The following HTRA3 variants were observed in gnomAD, a reference collection of about 807,000 sequenced individuals.
HTRA3 encodes HtrA serine peptidase 3.
In HTRA3, 41 loss-of-function variants were observed where a neutral mutation model predicts 43.2. That is an observed-to-expected ratio of 0.95 (90% CI 0.74 to 1.23). HTRA3 has a LOEUF of 1.23. HTRA3 is among the 50% of genes most tolerant of loss of function. The pLI is 0.00. For missense variants in HTRA3, 628 were observed against 647.1 expected (o/e 0.97, Z 0.32); for synonymous variants, 295 against 287.9 (o/e 1.02, Z -0.25).
rs1169583326 is a variant in HTRA3, at chr4:8,270,373, G to A, written c.385+20G>A. On this transcript the variant is annotated intron_variant, in intron 1 of 8. Transcript: ENST00000307358. ...CGTTGGGTAAGCGCTCGGGGGCCAG[G>A]GAGGAAGTGAAGCTTCTTTCTCTTG... 2 of 1,384,320 alleles carry A rather than the reference G, an allele frequency of 1.4e-6. No homozygotes were observed. Among genetic ancestry groups the A allele is most frequent in the South Asian group, 1.6e-5 (1 of 63,882 alleles). The allele number at this position is 1,384,320 out of a possible 1,614,324, so 85.8% of individuals were successfully genotyped here.
chr4:8,286,519 T>G lies in HTRA3; in HGVS notation c.486-42T>G. ...CACTGCGCCTGACTCCCCCGCGTCC[T>G]AGCCCCACCCTAAATGCCCGCCTGT... On this transcript the variant is annotated intron_variant, in intron 2 of 8. Coordinates refer to ENST00000307358, the MANE Select transcript of HTRA3 (RefSeq NM_053044.5). This position sits in a 1 kb window ranked among gnomAD's most constrained non-coding sequence, Gnocchi z 4.9. 1 of 1,575,804 alleles carries G rather than the reference T, an allele frequency of 6.3e-7. No homozygotes were observed. Among genetic ancestry groups the G allele is most frequent in the South Asian group, 1.1e-5 (1 of 89,894 alleles).
At position 8,295,647 on chromosome 4, in the gene HTRA3, C is replaced by G; in HGVS notation, c.1051+1446C>G. ...CCCACCTCCTGGCCAACGCCCAGGC[C>G]TGACTCAGCAACTCACACTTCCACA... On this transcript the variant is annotated intron_variant, in intron 6 of 8. Transcript: ENST00000307358. This position sits in a 1 kb window ranked among gnomAD's most constrained non-coding sequence, Gnocchi z 6.9. The G allele has an allele frequency of 7.3e-7, 1 of 1,368,012 alleles. No individual in the cohort carries two copies. Among genetic ancestry groups the G allele is most frequent in the Non-Finnish European group, 9.5e-7 (1 of 1,054,990 alleles). 84.7% of individuals were successfully genotyped at this position (1,368,012 alleles called of 1,614,324 possible). A position where few individuals can be genotyped will look rare whatever the true frequency, so the allele number is the denominator to read the frequency against.
intron 2 of HTRA3, among the ~76,000 whole-genome samples, chr4:8,285,389 C>T (rs958598757): frequency 8.5e-5 from 13 of 152,200 alleles, no homozygotes; most frequent in African/African-American, 1.4e-4. Flanking sequence ...TGGGTCACAG[C>T]GAAGCTCCTG....
intron 8 of HTRA3, among the ~76,000 whole-genome samples, chr4:8,304,807 C>G (rs1157322161): frequency 1.3e-5 from 2 of 151,984 alleles, no homozygotes; most frequent in East Asian, 3.8e-4. Context: ...AAGTGCCCAC[C>G]ACCATGCCCT....
chr4:8,272,845 G>C (rs1712347443), intron 1 of HTRA3, among the ~76,000 whole-genome samples: 2 of 152,240 alleles, frequency 1.3e-5, no homozygotes. Flanking sequence ...GGGAGGCAGA[G>C]AGTGCAGGTG....
intron 6 of HTRA3, among the ~76,000 whole-genome samples, chr4:8,302,208 G>A (rs910097995): frequency 1.3e-5 from 2 of 152,164 alleles, no homozygotes; most frequent in Non-Finnish European, 2.9e-5. Context: ...TCACATGGTT[G>A]GATGCAGGAT....
chr4:8,292,254 G>A (rs774323563), intron 4 of HTRA3, 67 bp from the exon 5 acceptor site: 3 of 1,451,782 alleles, frequency 2.1e-6, no homozygotes, highest in Non-Finnish European at 2.9e-6. Flanking sequence ...AGGCAGATCT[G>A]GAGAAGGGGC....
At chr4:8,304,006 T>C (rs1713749979) in intron 7 of HTRA3, among the ~76,000 whole-genome samples, 178 bp from the exon 8 acceptor site, 2 of 152,152 alleles carry the variant, frequency 1.3e-5, no homozygotes, top group South Asian at 4.1e-4. Flanking sequence ...CTACCACGTT[T>C]CTCTTAAGAA....
chr4:8,298,650 C>T (rs975211683), intron 6 of HTRA3, among the ~76,000 whole-genome samples: 36 of 151,990 alleles, frequency 2.4e-4, no homozygotes, highest in African/African-American at 8.2e-4. Context: ...TTTAGGACTG[C>T]GATGCATTTT....
Position 8,296,169 on chromosome 4 carries a change from T to A in HTRA3, c.1051+1968T>A. The stretch of plus-strand genomic sequence containing the variant: ...GCTGTGAGGTGGCTTTCCTTGGAAG[T>A]GGATGATAGTGTCCTCTTCCCTTCT... On this transcript the variant is annotated intron_variant, in intron 6 of 8. Transcript: ENST00000307358. The surrounding 1 kb of genome is among the most constrained non-coding windows in gnomAD (Gnocchi z 5.3). 1 of 988,294 alleles carries A rather than the reference T, an allele frequency of 1.0e-6. No individual in the cohort carries two copies. The highest frequency in any genetic ancestry group is 1.2e-6 in the Non-Finnish European group (1 of 831,898). The allele number at this position is 988,294 out of a possible 1,614,324, so 61.2% of individuals were successfully genotyped here. A position where few individuals can be genotyped will look rare whatever the true frequency, so the allele number is the denominator to read the frequency against.
chr4:8,301,166 C>CTG (rs35457853), intron 6 of HTRA3, among the ~76,000 whole-genome samples: 12 of 1,184 alleles, frequency 0.01, no homozygotes, highest in Non-Finnish European at 0.017. Context: ...TTGACTCACA[C>CTG]TTTATTATTC....
At chr4:8,277,539 C>T (rs1034011645) in intron 1 of HTRA3, among the ~76,000 whole-genome samples, 1 of 152,194 alleles carries the variant, frequency 6.6e-6, no homozygotes, top group Non-Finnish European at 1.5e-5. Flanking sequence ...AGGGTAGGCT[C>T]CCCAGAGGAG....
chr4:8,298,163 AG>A (rs1482962267), intron 6 of HTRA3, among the ~76,000 whole-genome samples: 1 of 152,190 alleles, frequency 6.6e-6, no homozygotes, highest in African/African-American at 2.4e-5. Context: ...ACAGCCAGAA[AG>A]GCCCTTTCAA....
chr4:8,272,848 T>C (rs961848767), intron 1 of HTRA3, among the ~76,000 whole-genome samples: 1 of 151,886 alleles, frequency 6.6e-6, no homozygotes, highest in African/African-American at 2.4e-5. Flanking sequence ...AGGCAGAGAG[T>C]GCAGGTGGGA....
chr4:8,274,665 G>A (rs1404053248), intron 1 of HTRA3, among the ~76,000 whole-genome samples: 1 of 152,198 alleles, frequency 6.6e-6, no homozygotes, highest in African/African-American at 2.4e-5. Context: ...GTGGATAAAT[G>A]TCCATCCACG....
intron 1 of HTRA3, among the ~76,000 whole-genome samples, chr4:8,275,652 G>A (rs958205398): frequency 3.3e-5 from 5 of 152,222 alleles, no homozygotes; most frequent in Non-Finnish European, 7.3e-5. Flanking sequence ...GGCCTGCCAG[G>A]TGGTCTGAAC....
Position 8,270,199 on chromosome 4 carries a change from G to T in HTRA3, c.231G>T (p.Val77=). Residue 77 remains valine, a synonymous_variant, in exon 1 of 9, where the codon GTG becomes GTT. Transcript: ENST00000307358. ...DSPCGESLEC[V]RGLCRCRWSH... is the part of the protein sequence containing the mutation. ...CTTGCGGCGAGAGCCTGGAGTGCGTGCGCGGCCTATGCCGCTGCCGCTGGT... is the reference window on the plus strand; with the variant it reads ...CTTGCGGCGAGAGCCTGGAGTGCGTTCGCGGCCTATGCCGCTGCCGCTGGT... 6.5e-7 allele frequency: 1 copy of T among 1,541,278 alleles called. No individual in the cohort carries two copies. Among genetic ancestry groups the T allele is most frequent in the Non-Finnish European group, 8.6e-7 (1 of 1,156,086 alleles).
In HTRA3 at chr4:8,296,227, C is replaced by A. The variant is rs999118616; in HGVS notation, c.1051+2026C>A. 4 of 985,640 alleles carry A rather than the reference C, an allele frequency of 4.1e-6. No homozygotes were observed. Among genetic ancestry groups the A allele is most frequent in the South Asian group, 9.4e-5 (2 of 21,292 alleles). The allele number at this position is 985,640 out of a possible 1,614,324, so 61.1% of individuals were successfully genotyped here. On this transcript the variant is annotated intron_variant, in intron 6 of 8. Coordinates refer to ENST00000307358, the MANE Select transcript of HTRA3 (RefSeq NM_053044.5). The surrounding 1 kb of genome is among the most constrained non-coding windows in gnomAD (Gnocchi z 5.3). ...CTCTTTCTCCTGAGACAGGATCCCC[C>A]TGGGGCCTAGGTTTGCTCCTTTGTT...
intron 6 of HTRA3, among the ~76,000 whole-genome samples, chr4:8,300,416 G>A (rs540436034): frequency 1.3e-5 from 2 of 152,096 alleles, no homozygotes; most frequent in Non-Finnish European, 2.9e-5. Context: ...TTCTTTAATA[G>A]ATGTAGTGCT....
Sources: allele counts gnomAD v4.1 joint callset (sites outside exome capture counted in the v4.1 genomes callset), GRCh38; gene constraint gnomAD v4.1.1; non-coding constraint Gnocchi (gnomAD v3.1); transcripts MANE v1.5; gene names NCBI Gene and HGNC (gene_info 2026-07-23, HGNC 2026-07-21).